The following VWC2L variants were observed in gnomAD, a reference collection of about 807,000 sequenced individuals.
VWC2L encodes the protein von Willebrand factor C domain containing 2 like.
Under a neutral mutation model 21.6 loss-of-function variants are expected in VWC2L, and 10 were observed. The observed-to-expected ratio is 0.46, with a 90% CI of 0.29 to 0.78. The LOEUF (loss-of-function observed/expected upper bound fraction) is 0.78. VWC2L is among the 30% of genes least tolerant of loss of function. VWC2L has a pLI of 0.10. For synonymous variants in VWC2L, 96 were observed against 94.3 expected (o/e 1.02, Z -0.10); for missense variants, 209 against 277.1 (o/e 0.75, Z 1.74).
chr2:214,424,806 C>T (rs1378281740), intron 2 of VWC2L, among the ~76,000 whole-genome samples: 1 of 152,044 alleles, frequency 6.6e-6, no homozygotes, highest in Non-Finnish European at 1.5e-5. Flanking sequence ...TATTTTTTCT[C>T]AGCTTATCTT....
chr2:214,562,421 CT>C (rs1204127233), intron 3 of VWC2L, among the ~76,000 whole-genome samples: 3 of 152,168 alleles, frequency 2.0e-5, no homozygotes, highest in African/African-American at 7.2e-5. Flanking sequence ...GATTCCCTAT[CT>C]TTGCTATCGT....
chr2:214,424,780 G>A (rs1161530886), intron 2 of VWC2L, among the ~76,000 whole-genome samples: 4 of 152,100 alleles, frequency 2.6e-5, no homozygotes, highest in African/African-American at 7.2e-5. Flanking sequence ...TTTATGAGCA[G>A]TTAATGATGA....
At chr2:214,573,272 C>A (rs1190378784) in intron 3 of VWC2L, among the ~76,000 whole-genome samples, 1 of 152,070 alleles carries the variant, frequency 6.6e-6, no homozygotes, top group Non-Finnish European at 1.5e-5. Flanking sequence ...CACATACGCA[C>A]GCTCACACGG....
At chr2:214,501,375 C>T (rs1688887801) in intron 3 of VWC2L, among the ~76,000 whole-genome samples, 1 of 152,062 alleles carries the variant, frequency 6.6e-6, no homozygotes, top group Non-Finnish European at 1.5e-5. Context: ...ATCATGCCTC[C>T]CCGAATCCAT....
intron 3 of VWC2L, among the ~76,000 whole-genome samples, chr2:214,455,487 A>G (rs2126186490): frequency 6.6e-6 from 1 of 152,330 alleles, no homozygotes; most frequent in South Asian, 2.1e-4. Flanking sequence ...TGTAATGACC[A>G]ACTCCGAGTA....
chr2:214,512,216 C>G (rs1044396694), intron 3 of VWC2L, among the ~76,000 whole-genome samples: 3 of 152,106 alleles, frequency 2.0e-5, no homozygotes, highest in Admixed American at 2.0e-4. Context: ...AAAAATAAAC[C>G]AGCATGTCTT....
At chr2:214,449,179 T>C (rs745479219) in intron 3 of VWC2L, among the ~76,000 whole-genome samples, 7 of 152,140 alleles carry the variant, frequency 4.6e-5, no homozygotes, top group Non-Finnish European at 1.0e-4. Context: ...ATTATGAAAA[T>C]TGTAGAAGGG....
intron 3 of VWC2L, among the ~76,000 whole-genome samples, chr2:214,472,586 T>C (rs559833057): frequency 3.3e-5 from 5 of 152,176 alleles, no homozygotes; most frequent in Non-Finnish European, 7.4e-5. Flanking sequence ...CACCTTTGAA[T>C]ACAAGAAATC....
chr2:214,504,433 C>T (rs759290283), intron 3 of VWC2L, among the ~76,000 whole-genome samples: 2 of 152,182 alleles, frequency 1.3e-5, no homozygotes, highest in Admixed American at 6.5e-5. Context: ...TTCTGCAGCA[C>T]GTGTCTGACA....
At chr2:214,524,707 T>C (rs1689299877) in intron 3 of VWC2L, among the ~76,000 whole-genome samples, 1 of 152,136 alleles carries the variant, frequency 6.6e-6, no homozygotes. Context: ...AGGAAGTTGA[T>C]GATGCCGCAT....
intron 3 of VWC2L, among the ~76,000 whole-genome samples, chr2:214,570,145 G>A (rs555554298): frequency 6.6e-6 from 1 of 152,246 alleles, no homozygotes; most frequent in East Asian, 1.9e-4. Context: ...TCTATCTTGA[G>A]GAGGTTGAGG....
intron 3 of VWC2L, among the ~76,000 whole-genome samples, chr2:214,445,006 G>C (rs753187088): frequency 5.9e-5 from 9 of 151,764 alleles, no homozygotes; most frequent in Non-Finnish European, 1.0e-4. Context: ...AAATGTATGG[G>C]TAACATATAA....
chr2:214,516,078 G>A (rs1689136956), intron 3 of VWC2L, among the ~76,000 whole-genome samples: 1 of 152,012 alleles, frequency 6.6e-6, no homozygotes, highest in Non-Finnish European at 1.5e-5. Flanking sequence ...ACAGACTCTT[G>A]AGAGTCTATT....
chr2:214,440,767 G>T (rs1018744627), intron 3 of VWC2L, among the ~76,000 whole-genome samples: 149 of 152,036 alleles, frequency 9.8e-4, no homozygotes, highest in African/African-American at 3.4e-3. Flanking sequence ...AAGTCATTAA[G>T]AATCCATATT....
intron 3 of VWC2L, among the ~76,000 whole-genome samples, chr2:214,547,460 T>G (rs1178403685): frequency 1.3e-5 from 2 of 152,216 alleles, no homozygotes; most frequent in East Asian, 3.8e-4. Context: ...AGAAGATATG[T>G]AAACACTTTC....
At chr2:214,513,002 G>A (rs555674075) in intron 3 of VWC2L, among the ~76,000 whole-genome samples, 7 of 152,222 alleles carry the variant, frequency 4.6e-5, no homozygotes, top group African/African-American at 1.4e-4. Flanking sequence ...CTACTAGAGT[G>A]ATAGTCCAAC....
intron 3 of VWC2L, among the ~76,000 whole-genome samples, chr2:214,475,638 A>G (rs779338153): frequency 3.3e-5 from 5 of 152,112 alleles, no homozygotes; most frequent in Non-Finnish European, 7.4e-5. Flanking sequence ...GCTCTGGTCA[A>G]TGGTTGTCAT....
chr2:214,505,407 A>T (rs557085394), intron 3 of VWC2L, among the ~76,000 whole-genome samples: 1 of 152,024 alleles, frequency 6.6e-6, no homozygotes. Flanking sequence ...TCTTTTTTGC[A>T]GTTTTGGGTT....
chr2:214,427,409 T>TTTTAA (rs1702540456), intron 2 of VWC2L, among the ~76,000 whole-genome samples: 1 of 152,154 alleles, frequency 6.6e-6, no homozygotes, highest in African/African-American at 2.4e-5. Flanking sequence ...AAATCAAGAC[T>TTTTAA]CCAAAAACTG....
Sources: allele counts gnomAD v4.1 joint callset (sites outside exome capture counted in the v4.1 genomes callset), GRCh38; gene constraint gnomAD v4.1.1; transcripts MANE v1.5; gene names NCBI Gene and HGNC (gene_info 2026-07-23, HGNC 2026-07-21).